Variants in PTCHD4 observed in about 807,000 individuals in gnomAD.
The protein encoded by PTCHD4 is patched domain-containing protein 4.
A neutral mutation model predicts 58.1 loss-of-function variants in PTCHD4; 33 were observed. The observed-to-expected ratio is 0.57, with a 90% CI of 0.43 to 0.76. The LOEUF (loss-of-function observed/expected upper bound fraction) is 0.76, where lower values mean the gene tolerates loss of function less well. Ranked by LOEUF, PTCHD4 falls within the 30% of genes least tolerant of loss-of-function variation. The pLI is 0.00. For synonymous variants in PTCHD4, 478 were observed against 409.6 expected (o/e 1.17, Z -2.02); for missense variants, 1,058 against 1,027.1 (o/e 1.03, Z -0.41).
At chr6:48,039,786 C>T (rs538324929) in intron 3 of PTCHD4, among the ~76,000 whole-genome samples, 30 of 152,200 alleles carry the variant, frequency 2.0e-4, no homozygotes, top group African/African-American at 6.3e-4. Context: ...AGGTCTCTGT[C>T]CCCAACCTTG....
At chr6:47,924,970 A>G (rs1235454821) in intron 4 of PTCHD4, among the ~76,000 whole-genome samples, 2 of 149,786 alleles carry the variant, frequency 1.3e-5, no homozygotes, top group East Asian at 3.9e-4. Context: ...ATATACATAT[A>G]TATACATTTT....
At chr6:48,053,559 A>G (rs2114175017) in intron 3 of PTCHD4, among the ~76,000 whole-genome samples, 1 of 152,294 alleles carries the variant, frequency 6.6e-6, no homozygotes, top group East Asian at 1.9e-4. Flanking sequence ...TCATTAAGCT[A>G]TGAAAATTTA....
At chr6:48,103,903 A>G (rs1368543473) in intron 1 of PTCHD4, among the ~76,000 whole-genome samples, 1 of 152,236 alleles carries the variant, frequency 6.6e-6, no homozygotes, top group African/African-American at 2.4e-5. Flanking sequence ...TTTAGAGGAA[A>G]AAGAATAAAA....
Position 47,958,564 on chromosome 6 carries a change from T to C in PTCHD4, c.898+50070A>G, listed in dbSNP as rs559413192. Among the ~76,000 whole-genome samples the C allele has an allele frequency of 2.0e-5, 3 of 152,278 alleles. No individual in the cohort carries two copies. The South Asian group carries it at 6.2e-4, about 32-fold the overall frequency. On this transcript the variant is annotated intron_variant, in intron 4 of 4. Coordinates refer to ENST00000339488, the MANE Select transcript of PTCHD4 (RefSeq NM_001384253.1). ...ACTGGGCAGCACCTGGTGTACTCCC[T>C]GAGTTGAGACGGAGCTGAGGGTGTG...
At chr6:48,077,217 C>T (rs1490318493) in intron 1 of PTCHD4, among the ~76,000 whole-genome samples, 1 of 152,158 alleles carries the variant, frequency 6.6e-6, no homozygotes, top group Non-Finnish European at 1.5e-5. Context: ...ATAGATTTAG[C>T]ATAATTCTTA....
chr6:47,879,153 C>G lies in PTCHD4; in HGVS notation c.1682G>C (p.Ser561Thr). The change falls in exon 5 of 5, where the codon AGT (serine) becomes ACT (threonine). Residue 561 changes from serine to threonine, a missense_variant. Transcript: ENST00000339488. Reference sequence around the variant, plus strand: ...GATGAAGTCACTTTTGTTATTGGCACTGACGTTGCTGACTTTCAGGAACTG... The same window carrying G: ...GATGAAGTCACTTTTGTTATTGGCAGTGACGTTGCTGACTTTCAGGAACTG... ...YYQFLKVSNV[S>T]ANNKSDFISV... The G allele has an allele frequency of 6.2e-7, 1 of 1,611,880 alleles. No homozygotes were observed.
rs1352858613 is a variant in PTCHD4, at chr6:47,875,995, G to A, written c.*2308C>T. On this transcript the variant is annotated 3_prime_UTR_variant, in exon 5 of 5. Transcript: ENST00000339488. ...TTATCTCCCATATTTTGATATGGGA[G>A]ATAAAAATCTTCCATATCAAATCTT... Among the ~76,000 whole-genome samples the A allele has an allele frequency of 6.6e-6, 1 of 151,716 alleles. No individual in the cohort carries two copies. The highest frequency in any genetic ancestry group is 1.5e-5 in the Non-Finnish European group (1 of 67,844).
intron 3 of PTCHD4, among the ~76,000 whole-genome samples, chr6:48,032,825 G>T (rs532993059): frequency 6.6e-6 from 1 of 152,180 alleles, no homozygotes; most frequent in South Asian, 2.1e-4. Context: ...TCTTGTGGTA[G>T]TTTCTGAATC....
At chr6:48,090,451 C>A (rs113690186) in intron 1 of PTCHD4, among the ~76,000 whole-genome samples, 102 of 152,208 alleles carry the variant, frequency 6.7e-4, no homozygotes, top group African/African-American at 2.2e-3. Flanking sequence ...CTCACAACAA[C>A]ACTGTCAAGC....
intron 4 of PTCHD4, among the ~76,000 whole-genome samples, chr6:47,899,034 A>G (rs779320596): frequency 3.3e-5 from 5 of 152,232 alleles, no homozygotes; most frequent in Non-Finnish European, 7.3e-5. Context: ...GACTAGAAGT[A>G]TCCATAAGTG....
At chr6:47,998,364 A>G (rs912751948) in intron 4 of PTCHD4, among the ~76,000 whole-genome samples, 4 of 152,230 alleles carry the variant, frequency 2.6e-5, no homozygotes, top group African/African-American at 9.6e-5. Context: ...AAGCAAGAGC[A>G]GCACATATTG....
At chr6:48,020,863 A>G (rs1214416829) in intron 3 of PTCHD4, among the ~76,000 whole-genome samples, 2 of 152,094 alleles carry the variant, frequency 1.3e-5, no homozygotes, top group East Asian at 3.9e-4. Context: ...TTTCTGGTAT[A>G]GGATTATGGG....
intron 4 of PTCHD4, among the ~76,000 whole-genome samples, chr6:47,902,831 A>G (rs1764755109): frequency 1.3e-5 from 2 of 152,218 alleles, no homozygotes; most frequent in Non-Finnish European, 1.5e-5. Flanking sequence ...TTTCTTTGTT[A>G]CAAAGTGTAA....
intron 4 of PTCHD4, among the ~76,000 whole-genome samples, chr6:47,982,110 T>C (rs754663548): frequency 2.6e-5 from 4 of 152,212 alleles, no homozygotes; most frequent in Non-Finnish European, 5.9e-5. Flanking sequence ...GATGGATATA[T>C]GTTGATTTCT....
intron 3 of PTCHD4, among the ~76,000 whole-genome samples, chr6:48,040,924 A>T (rs561234319): frequency 6.6e-6 from 1 of 152,216 alleles, no homozygotes; most frequent in African/African-American, 2.4e-5. Context: ...ATGGATTTGA[A>T]GTACCAAGTA....
intron 1 of PTCHD4, among the ~76,000 whole-genome samples, chr6:48,110,105 A>G (rs112795114): frequency 0.017 from 2,603 of 152,280 alleles, 76 homozygotes; most frequent in African/African-American, 0.055. Context: ...TCCACCACTG[A>G]GTATGTTTCA....
At chr6:47,904,924 T>TGCC (rs1764827946) in intron 4 of PTCHD4, among the ~76,000 whole-genome samples, 2 of 152,112 alleles carry the variant, frequency 1.3e-5, no homozygotes, top group East Asian at 3.9e-4. Flanking sequence ...GGAAATGCCA[T>TGCC]TTGAGTTAAG....
chr6:47,898,219 C>G (rs1426600046), intron 4 of PTCHD4, among the ~76,000 whole-genome samples: 5 of 152,174 alleles, frequency 3.3e-5, no homozygotes, highest in African/African-American at 9.7e-5. Context: ...GCTGGGATTA[C>G]AGGCGTGAGC....
intron 3 of PTCHD4, among the ~76,000 whole-genome samples, chr6:48,037,790 TA>T (rs1263874663): frequency 6.6e-6 from 1 of 151,520 alleles, no homozygotes; most frequent in Non-Finnish European, 1.5e-5. Flanking sequence ...GCTTAACTTT[TA>T]AAAGAAAAGG....
Sources: gnomAD v4.1 joint callset for allele counts (sites outside exome capture counted in the v4.1 genomes callset) on GRCh38, gnomAD v4.1.1 for gene constraint, MANE v1.5 for transcripts, NCBI Gene and HGNC (gene_info 2026-07-23, HGNC 2026-07-21) for gene names.